IL1R2: variants seen among roughly 807,000 people sequenced by gnomAD.
The protein encoded by IL1R2 is interleukin-1 receptor type 2.
A neutral mutation model predicts 39.5 loss-of-function variants in IL1R2; 46 were observed. That is an observed-to-expected ratio of 1.16 (90% CI 0.92 to 1.49). The LOEUF (loss-of-function observed/expected upper bound fraction) is 1.49, where lower values mean the gene tolerates loss of function less well. Among genes scored for constraint, IL1R2 ranks in the 40% most tolerant of loss-of-function variants. IL1R2 has a pLI of 0.00. For missense variants in IL1R2, 537 were observed against 502.0 expected, an observed-to-expected ratio of 1.07 and a Z score of -0.67; for synonymous variants, 207 against 189.6, an observed-to-expected ratio of 1.09 and a Z score of -0.75.
intron 5 of IL1R2, among the ~76,000 whole-genome samples, chr2:102,021,395 G>T (rs562418367): frequency 4.4e-4 from 66 of 148,740 alleles, no homozygotes; most frequent in African/African-American, 1.5e-3. Flanking sequence ...GGCTCACTGC[G>T]ACCTCTACCT....
chr2:102,021,309 T>TTC (rs1677380079), intron 5 of IL1R2, among the ~76,000 whole-genome samples: 1 of 150,122 alleles, frequency 6.7e-6, no homozygotes, highest in Non-Finnish European at 1.5e-5. Context: ...TCTTTTCTTT[T>TTC]TTTTTTTTTT....
At chr2:102,008,370 A>C (rs1391546274) in intron 1 of IL1R2, 145 bp from the exon 2 acceptor site, 1 of 572,884 alleles carries the variant, frequency 1.7e-6, no homozygotes, top group Admixed American at 3.0e-5. Flanking sequence ...CAAATCCAAA[A>C]ATTTTGAGTT....
intron 1 of IL1R2, among the ~76,000 whole-genome samples, chr2:101,998,422 T>C (rs1675691989): frequency 6.6e-6 from 1 of 152,228 alleles, no homozygotes; most frequent in South Asian, 2.1e-4. Context: ...CAATTTGCCA[T>C]CTGGAATCTG....
At chr2:102,001,834 C>T (rs898161207) in intron 1 of IL1R2, among the ~76,000 whole-genome samples, 4 of 152,136 alleles carry the variant, frequency 2.6e-5, no homozygotes, top group Non-Finnish European at 4.4e-5. Flanking sequence ...AGAATTTATA[C>T]GACATGCGTA....
Position 102,008,523 on chromosome 2 carries a change from C to T in IL1R2, c.-53C>T. 6.9e-7 allele frequency: 1 copy of T among 1,443,986 alleles called. No homozygotes were observed. Among genetic ancestry groups the T allele is most frequent in the Non-Finnish European group, 9.8e-7 (1 of 1,025,292 alleles). The allele number at this position is 1,443,986 out of a possible 1,614,324, so 89.4% of individuals were successfully genotyped here. On this transcript the variant is annotated 5_prime_UTR_variant, in exon 2 of 9. Transcript: ENST00000332549. ...TCTGTTTCCTCCCCTAGGCCACGTG[C>T]TGCTGGGTCTCAGTCCTCCACTTCC...
At chr2:102,011,755 T>C (rs1676652154) in intron 3 of IL1R2, among the ~76,000 whole-genome samples, 1 of 152,246 alleles carries the variant, frequency 6.6e-6, no homozygotes, top group Non-Finnish European at 1.5e-5. Flanking sequence ...GTTTTAATTT[T>C]GATCAAGTCC....
intron 1 of IL1R2, among the ~76,000 whole-genome samples, chr2:102,003,805 G>T (rs865925630): frequency 0.034 from 53 of 1,572 alleles, no homozygotes; most frequent in Non-Finnish European, 0.061. Flanking sequence ...TGTGTCTGTG[G>T]CTGTGCTGTG....
intron 1 of IL1R2, among the ~76,000 whole-genome samples, chr2:102,002,465 GT>G (rs2150422835): frequency 9.6e-6 from 1 of 103,844 alleles, no homozygotes; most frequent in African/African-American, 4.7e-5. Flanking sequence ...CTATGTCTCT[GT>G]CTGTGTCTGT....
chr2:101,994,053 C>T lies in IL1R2; in HGVS notation c.-62+2042C>T, dbSNP rs576484634. On this transcript the variant is annotated intron_variant, in intron 1 of 8. Transcript: ENST00000332549. Reference sequence around the variant, plus strand: ...TTTGGTATTACCACATGCACAGACACGGGAGAGTGCCTTTCTTCTAACCTC... The same window carrying T: ...TTTGGTATTACCACATGCACAGACATGGGAGAGTGCCTTTCTTCTAACCTC... Among the ~76,000 whole-genome samples the T allele has an allele frequency of 6.4e-4, 98 of 152,330 alleles. 1 individual carries two copies. Among genetic ancestry groups the T allele is most frequent in the African/African-American group, 2.2e-3 (93 of 41,568 alleles).
chr2:102,006,765 G>A (rs1045982830), intron 1 of IL1R2, among the ~76,000 whole-genome samples: 2 of 152,246 alleles, frequency 1.3e-5, no homozygotes, highest in Admixed American at 6.5e-5. Flanking sequence ...AGAAGAGTCA[G>A]GCATGGCAGC....
chr2:102,027,127 T>A, intron 8 of IL1R2, among the ~76,000 whole-genome samples: 1 of 152,140 alleles, frequency 6.6e-6, no homozygotes, highest in East Asian at 1.9e-4. Flanking sequence ...CAAACACAGA[T>A]CTCAGGACTT....
At chr2:102,018,559 G>C (rs1677152002) in intron 4 of IL1R2, among the ~76,000 whole-genome samples, 1 of 152,210 alleles carries the variant, frequency 6.6e-6, no homozygotes, top group Non-Finnish European at 1.5e-5. Context: ...GTGATGCTTA[G>C]TAATATTTAT....
chr2:102,010,236 G>A lies in IL1R2; in HGVS notation c.332+410G>A, dbSNP rs150265354. Reference sequence around the variant, plus strand: ...ATGTTGTTCACTGTTGAAGCCACATGGTAAGGAACCAAGAAATAGACATAG... The same window carrying A: ...ATGTTGTTCACTGTTGAAGCCACATAGTAAGGAACCAAGAAATAGACATAG... On this transcript the variant is annotated intron_variant, in intron 3 of 8. Coordinates refer to ENST00000332549, the MANE Select transcript of IL1R2 (RefSeq NM_004633.4). 5.4e-4 allele frequency: 92 copies of A among 171,352 alleles called. 1 individual carries two copies. The highest frequency in any genetic ancestry group is 2.1e-3 in the African/African-American group (90 of 42,046). 10.6% of individuals were successfully genotyped at this position (171,352 alleles called of 1,614,324 possible). A position where few individuals can be genotyped will look rare whatever the true frequency, so the allele number is the denominator to read the frequency against.
intron 1 of IL1R2, among the ~76,000 whole-genome samples, chr2:101,992,322 CAG>C (rs1209572843): frequency 1.2e-5 from 1 of 80,962 alleles, no homozygotes; most frequent in Non-Finnish European, 2.2e-5. Context: ...AAGACAGAGA[CAG>C]AGAGAGGCAG....
intron 8 of IL1R2, among the ~76,000 whole-genome samples, chr2:102,027,864 A>T (rs890594935): frequency 3.3e-5 from 5 of 152,168 alleles, no homozygotes; most frequent in African/African-American, 1.2e-4. Context: ...ACCCATGCTC[A>T]TTAGAAAAGG....
intron 5 of IL1R2, among the ~76,000 whole-genome samples, chr2:102,021,711 C>A (rs1016192166): frequency 2.0e-5 from 3 of 152,222 alleles, no homozygotes; most frequent in Admixed American, 2.0e-4. Flanking sequence ...GTGGCCGAGG[C>A]CAGGTTACAC....
intron 1 of IL1R2, among the ~76,000 whole-genome samples, chr2:102,005,205 G>A (rs745803195): frequency 1.3e-5 from 2 of 152,094 alleles, no homozygotes; most frequent in African/African-American, 4.8e-5. Flanking sequence ...CATAATTCCC[G>A]TAAGCCTGAC....
At chr2:101,995,530 A>T (rs969876578) in intron 1 of IL1R2, among the ~76,000 whole-genome samples, 13 of 152,330 alleles carry the variant, frequency 8.5e-5, no homozygotes, top group Admixed American at 8.5e-4. Flanking sequence ...CTGAGCAGAG[A>T]CATCTCACCT....
At chr2:102,021,027 C>G (rs1677349127) in intron 5 of IL1R2, among the ~76,000 whole-genome samples, 1 of 152,138 alleles carries the variant, frequency 6.6e-6, no homozygotes, top group South Asian at 2.1e-4. Context: ...GCACTGAGAT[C>G]CTGGAGGCTT....
Sources: allele counts gnomAD v4.1 joint callset (sites outside exome capture counted in the v4.1 genomes callset), GRCh38; gene constraint gnomAD v4.1.1; transcripts MANE v1.5; gene names NCBI Gene and HGNC (gene_info 2026-07-23, HGNC 2026-07-21).